DIAPH2: variants seen among roughly 807,000 people sequenced by gnomAD.
DIAPH2 encodes the protein protein diaphanous homolog 2.
DIAPH2 carries 35 observed loss-of-function variants against 92.7 expected under a neutral mutation model. The ratio of observed to expected loss-of-function variants is 0.38; its 90% CI spans 0.29 to 0.50. DIAPH2 has a LOEUF of 0.50. Among genes scored for constraint, DIAPH2 ranks in the 20% least tolerant of loss-of-function variants. The pLI is 0.94. For synonymous variants in DIAPH2, 301 were observed against 280.4 expected (o/e 1.07, Z -0.73); for missense variants, 701 against 819.5 (o/e 0.86, Z 1.77).
chrX:97,414,730 A>T (rs900609611), intron 25 of DIAPH2, among the ~76,000 whole-genome samples: 1 of 111,102 alleles, frequency 9.0e-6, no homozygotes, highest in African/African-American at 3.3e-5. Flanking sequence ...TGGATTAAAG[A>T]TTTAAGTGTT....
At chrX:96,857,138 A>G (rs1454605961) in intron 4 of DIAPH2, among the ~76,000 whole-genome samples, 1 of 111,800 alleles carries the variant, frequency 8.9e-6, no homozygotes, top group Non-Finnish European at 1.9e-5. Flanking sequence ...CTGAAAACGT[A>G]AAATATCCTT....
At position 96,937,339 on chromosome X, in the gene DIAPH2, G is replaced by A. The variant is rs41300144; in HGVS notation, c.1196G>A (p.Arg399Gln). The part of the protein sequence containing the change: ...TELSHRLNDI[R>Q]AEMDDMNEVY... Reference sequence around the variant, plus strand: ...TTATCACACCGTCTCAATGACATTCGAGCAGAAATGGAATATCCTTTGACA... The same window carrying A: ...TTATCACACCGTCTCAATGACATTCAAGCAGAAATGGAATATCCTTTGACA... Residue 399 changes from arginine to glutamine, a missense_variant, in exon 11 of 27, where the codon CGA (arginine) becomes CAA (glutamine). Physicochemically the swap from Arg to Gln is conservative, Grantham distance 43. This residue lies in a region of DIAPH2 where 536 missense variants were observed against 599.3 expected (regional missense o/e 0.89). Coordinates refer to ENST00000324765, the MANE Select transcript of DIAPH2 (RefSeq NM_006729.5). 27 of 1,116,356 alleles carry A rather than the reference G, an allele frequency of 2.4e-5. No homozygotes were observed. The highest frequency in any genetic ancestry group is 2.6e-5 in the Non-Finnish European group (22 of 830,371). 92.0% of individuals were successfully genotyped at this position (1,116,356 alleles called of 1,213,427 possible).
intron 17 of DIAPH2, among the ~76,000 whole-genome samples, chrX:97,006,512 C>G (rs2147860193): frequency 8.9e-6 from 1 of 112,096 alleles, no homozygotes; most frequent in East Asian, 2.8e-4. Context: ...GCTGAAATGA[C>G]TCCTTTAACA....
chrX:97,072,083 A>G (rs1048438425), intron 17 of DIAPH2, among the ~76,000 whole-genome samples: 1 of 111,814 alleles, frequency 8.9e-6, no homozygotes, highest in Non-Finnish European at 1.9e-5. Flanking sequence ...ACTTGAGTAC[A>G]ATGGTAGCTG....
chrX:96,856,114 G>A lies in DIAPH2; in HGVS notation c.448-25465G>A, dbSNP rs774798792. On this transcript the variant is annotated intron_variant, in intron 4 of 26. Transcript: ENST00000324765. ...TAATCAATTAAAGTGTGTGTGGAGT[G>A]GAGGGAGGAATAGCTCAAAACACGA... Among the ~76,000 whole-genome samples, 3 of 111,900 alleles carry A rather than the reference G, an allele frequency of 2.7e-5. No individual in the cohort carries two copies. In the South Asian group the frequency reaches 1.1e-3, roughly 41 times the overall value.
chrX:97,087,920 C>T (rs774734010), intron 19 of DIAPH2, among the ~76,000 whole-genome samples: 1 of 111,265 alleles, frequency 9.0e-6, no homozygotes, highest in South Asian at 3.8e-4. Context: ...GCTCATCATG[C>T]ATTCTTACTG....
chrX:97,570,062 C>A (rs1247897915), intron 26 of DIAPH2, among the ~76,000 whole-genome samples: 1 of 68,974 alleles, frequency 1.4e-5, no homozygotes, highest in Non-Finnish European at 2.6e-5. Context: ...TATACAAGTT[C>A]ATAAGGCCTT....
intron 19 of DIAPH2, among the ~76,000 whole-genome samples, chrX:97,093,894 G>C (rs1486647850): frequency 1.8e-5 from 2 of 111,891 alleles, no homozygotes; most frequent in Non-Finnish European, 3.8e-5. Context: ...GAAATGTTTA[G>C]CTACCGTGTA....
intron 23 of DIAPH2, among the ~76,000 whole-genome samples, chrX:97,301,576 T>C (rs1413795536): frequency 8.9e-6 from 1 of 111,885 alleles, no homozygotes; most frequent in Non-Finnish European, 1.9e-5. Flanking sequence ...TTAAGGGCAC[T>C]TTAAAGTTTT....
chrX:97,415,928 A>T (rs1198983867), intron 25 of DIAPH2, among the ~76,000 whole-genome samples: 5 of 111,807 alleles, frequency 4.5e-5, no homozygotes, highest in African/African-American at 1.6e-4. Flanking sequence ...TGAAACTGAG[A>T]TAACTTCCCA....
At chrX:97,151,948 C>T (rs1464299145) in intron 22 of DIAPH2, among the ~76,000 whole-genome samples, 1 of 111,182 alleles carries the variant, frequency 9.0e-6, no homozygotes, top group Non-Finnish European at 1.9e-5. Context: ...GGAAGAAAGA[C>T]AAATGAAGAA....
intron 26 of DIAPH2, among the ~76,000 whole-genome samples, chrX:97,449,987 C>T (rs994871231): frequency 5.5e-5 from 6 of 108,230 alleles, no homozygotes; most frequent in Non-Finnish European, 9.6e-5. Flanking sequence ...TTAAGTGGAT[C>T]AAGCGATTGT....
At chrX:96,906,979 G>T (rs750148076) in intron 5 of DIAPH2, among the ~76,000 whole-genome samples, 3 of 111,416 alleles carry the variant, frequency 2.7e-5, no homozygotes, top group Non-Finnish European at 5.7e-5. Flanking sequence ...TTCCTGACTG[G>T]TCTATTGTTT....
chrX:96,843,704 A>G (rs2064952368), intron 4 of DIAPH2, among the ~76,000 whole-genome samples: 1 of 111,688 alleles, frequency 9.0e-6, no homozygotes, highest in Non-Finnish European at 1.9e-5. Context: ...GCCCCACTAC[A>G]CAGGAATTCA....
At chrX:96,955,737 G>A (rs745731739) in intron 15 of DIAPH2, among the ~76,000 whole-genome samples, 4 of 112,485 alleles carry the variant, frequency 3.6e-5, no homozygotes, top group East Asian at 2.8e-4. Flanking sequence ...TCAGAGTTCC[G>A]AAATGATCTC....
chrX:96,840,833 T>G (rs1286095775), intron 4 of DIAPH2, among the ~76,000 whole-genome samples: 12 of 110,291 alleles, frequency 1.1e-4, no homozygotes, highest in Non-Finnish European at 1.5e-4. Context: ...CAGGATGGTC[T>G]CGATCTCCTG....
At chrX:97,031,824 A>G (rs184053650) in intron 17 of DIAPH2, among the ~76,000 whole-genome samples, 73 of 112,066 alleles carry the variant, frequency 6.5e-4, no homozygotes, top group African/African-American at 2.3e-3. Context: ...AAGAATTCCC[A>G]GTAGATGTTG....
At chrX:97,512,377 G>A (rs1215020115) in intron 26 of DIAPH2, among the ~76,000 whole-genome samples, 20 of 112,275 alleles carry the variant, frequency 1.8e-4, no homozygotes, top group African/African-American at 5.8e-4. Context: ...ATTTTTTATT[G>A]CGTCTATTTG....
intron 23 of DIAPH2, among the ~76,000 whole-genome samples, chrX:97,292,203 A>G (rs2068597694): frequency 9.2e-6 from 1 of 108,483 alleles, no homozygotes; most frequent in South Asian, 4.1e-4. Flanking sequence ...TAATTTTTTA[A>G]TCTTTATTTT....
Sources: gnomAD v4.1 joint callset for allele counts (sites outside exome capture counted in the v4.1 genomes callset) on GRCh38, gnomAD v4.1.1 for gene constraint, gnomAD v4.1.1 regional missense constraint, MANE v1.5 for transcripts, NCBI Gene and HGNC (gene_info 2026-07-23, HGNC 2026-07-21) for gene names.